BCR: variants seen among roughly 807,000 people sequenced by gnomAD.
BCR encodes the protein BCR activator of RhoGEF and GTPase.
Under a neutral mutation model 138.6 loss-of-function variants are expected in BCR, and 58 were observed. The observed-to-expected ratio is 0.42, with a 90% CI of 0.34 to 0.52. The LOEUF (loss-of-function observed/expected upper bound fraction) is 0.52. Among genes scored for constraint, BCR ranks in the 20% least tolerant of loss-of-function variants. The pLI, the probability that BCR is intolerant of heterozygous loss-of-function variation, is 0.06. For missense variants in BCR, 1,599 were observed against 1,727.2 expected, an observed-to-expected ratio of 0.93 and a Z score of 1.32; for synonymous variants, 786 against 730.1, an observed-to-expected ratio of 1.08 and a Z score of -1.23.
chr22:23,181,192 C>T lies in BCR; in HGVS notation c.232C>T (p.Arg78Trp), dbSNP rs761816882. ...KSYDRQRWGF[R>W]RAAQAPDGAS... is the part of the protein sequence containing the mutation. ...CTATGACCGGCAGCGATGGGGCTTC[C>T]GGCGCGCGGCGCAGGCCCCCGACGG... is the stretch of plus-strand genomic sequence containing the variant. Residue 78 changes from arginine (R) to tryptophan (W), a missense_variant, in exon 1 of 23, where the codon CGG becomes TGG. Physicochemically the swap from Arg to Trp is moderately radical, Grantham distance 101. This residue lies in a region of BCR where 806 missense variants were observed against 635.0 expected (regional missense o/e 1.27). Transcript: ENST00000305877. The T allele has an allele frequency of 6.4e-5, 84 of 1,322,536 alleles. No individual in the cohort carries two copies. The highest frequency in any genetic ancestry group is 7.8e-5 in the Non-Finnish European group (79 of 1,014,436). 81.9% of individuals were successfully genotyped at this position (1,322,536 alleles called of 1,614,324 possible). A position where few individuals can be genotyped will look rare whatever the true frequency, so the allele number is the denominator to read the frequency against.
intron 1 of BCR, among the ~76,000 whole-genome samples, chr22:23,252,272 C>T (rs1288506186): frequency 2.6e-5 from 4 of 151,480 alleles, no homozygotes; most frequent in African/African-American, 7.3e-5. Flanking sequence ...GTAGGACTCG[C>T]TGCTCATGGT....
chr22:23,262,249 T>C (rs1278172383), intron 4 of BCR, among the ~76,000 whole-genome samples: 1 of 152,158 alleles, frequency 6.6e-6, no homozygotes, highest in Admixed American at 6.5e-5. Flanking sequence ...AGCATGTGAT[T>C]CCTTAAAAGC....
intron 1 of BCR, among the ~76,000 whole-genome samples, chr22:23,230,214 T>G (rs2072941144): frequency 6.6e-6 from 1 of 152,186 alleles, no homozygotes; most frequent in Non-Finnish European, 1.5e-5. Context: ...CTTATCTACC[T>G]TTTTGAGTCC....
At chr22:23,248,442 T>C (rs2073180685) in intron 1 of BCR, among the ~76,000 whole-genome samples, 1 of 152,184 alleles carries the variant, frequency 6.6e-6, no homozygotes, top group Non-Finnish European at 1.5e-5. Context: ...GAAAGATTTT[T>C]TTTTTTGAAC....
intron 14 of BCR, among the ~76,000 whole-genome samples, chr22:23,291,863 C>A (rs2073790974): frequency 6.6e-6 from 1 of 152,160 alleles, no homozygotes; most frequent in South Asian, 2.1e-4. Flanking sequence ...CTGGCTGTGG[C>A]CTCCTCCCTG....
chr22:23,268,495 C>A lies in BCR; in HGVS notation c.1840C>A (p.Gln614Lys). The change falls in exon 5 of 23, where the codon CAG (glutamine) becomes AAG (lysine). Residue 614 changes from glutamine to lysine, a missense_variant. This residue lies in a region of BCR where 590 missense variants were observed against 762.4 expected (regional missense o/e 0.77). Transcript: ENST00000305877. ...MAEKCCQANA[Q>K]FAEISENLRA... The stretch of plus-strand genomic sequence containing the variant: ...TGAGAAGTGCTGTCAGGCCAATGCT[C>A]AGTTTGCAGAAATCTCCGAGGTAAT... 6.2e-7 allele frequency: 1 copy of A among 1,613,862 alleles called. No homozygotes were observed. The highest frequency in any genetic ancestry group is 8.5e-7 in the Non-Finnish European group (1 of 1,179,860).
rs148447062 is a variant in BCR, at chr22:23,311,748, C to A, written c.3234C>A (p.Ile1078=). 6.2e-6 allele frequency: 10 copies of A among 1,611,448 alleles called. No individual in the cohort carries two copies. The African/African-American group carries it at 1.1e-4, about 17-fold the overall frequency. Residue 1078 remains isoleucine, a synonymous_variant, in exon 19 of 23, where the codon ATC becomes ATA. Transcript: ENST00000305877. ...TCGTGCGCCAGTGCGTGGAGGAGAT[C>A]GAGCGCCGAGGCATGGAGGAGGTGG... ...PYIVRQCVEE[I]ERRGMEEVGI...
rs1487273717 is a variant in BCR, at chr22:23,315,752, TGAG to T, written c.*232_*234del. ...GACTGTGGTTTTTTATGTGGCCACC[TGAG>T]GGCGCCCCAAGCCAGTTCATCTCGG... On this transcript the variant is annotated 3_prime_UTR_variant, in exon 23 of 23. Coordinates refer to ENST00000305877, the MANE Select transcript of BCR (RefSeq NM_004327.4). The T allele has an allele frequency of 3.2e-6, 2 of 616,908 alleles. No homozygotes were observed. Among genetic ancestry groups the T allele is most frequent in the Non-Finnish European group, 6.0e-6 (2 of 333,076 alleles). The allele number at this position is 616,908 out of a possible 1,614,324, so 38.2% of individuals were successfully genotyped here. A position where few individuals can be genotyped will look rare whatever the true frequency, so the allele number is the denominator to read the frequency against.
At position 23,181,464 on chromosome 22, in the gene BCR, C is replaced by G; in HGVS notation, c.504C>G (p.Pro168=). The change falls in exon 1 of 23, where the codon CCC becomes CCG. Residue 168 remains proline, a synonymous_variant. Transcript: ENST00000305877. ...FERIRKGHGQ[P]GADAEKPFYV... ...GGATCCGCAAGGGCCATGGCCAGCC[C>G]GGGGCGGACGCCGAGAAGCCCTTCT... The G allele has an allele frequency of 1.2e-6, 2 of 1,608,630 alleles. No homozygotes were observed. Among genetic ancestry groups the G allele is most frequent in the South Asian group, 1.1e-5 (1 of 90,886 alleles).
chr22:23,238,713 A>C (rs904390710), intron 1 of BCR, among the ~76,000 whole-genome samples: 2 of 152,116 alleles, frequency 1.3e-5, no homozygotes, highest in African/African-American at 4.8e-5. Flanking sequence ...CCACAACCCC[A>C]TAAGCCTTCC....
rs1158313816 is a variant in BCR, at chr22:23,261,259, A to G, written c.1567-96A>G. ...TTATGTGATTTAAAAATAAAAGTGC[A>G]TATGTCAGGTAACCATGACTGTCTA... On this transcript the variant is annotated intron_variant, in intron 3 of 22. Transcript: ENST00000305877. 3.6e-5 allele frequency: 49 copies of G among 1,367,512 alleles called. No homozygotes were observed. The South Asian group carries it at 4.7e-4, about 13-fold the overall frequency. 84.7% of individuals were successfully genotyped at this position (1,367,512 alleles called of 1,614,324 possible). A position where few individuals can be genotyped will look rare whatever the true frequency, so the allele number is the denominator to read the frequency against.
chr22:23,288,354 G>A (rs2073742012), intron 12 of BCR, among the ~76,000 whole-genome samples, 182 bp downstream of exon 12: 1 of 151,964 alleles, frequency 6.6e-6, no homozygotes, highest in Non-Finnish European at 1.5e-5. Context: ...CAGCCCTCTT[G>A]TTCCCCTGCC....
At chr22:23,240,672 G>GA (rs921370145) in intron 1 of BCR, among the ~76,000 whole-genome samples, 2 of 151,742 alleles carry the variant, frequency 1.3e-5, no homozygotes, top group African/African-American at 2.4e-5. Context: ...AAAAGAAAAA[G>GA]AAAAAAAGAA....
At position 23,181,111 on chromosome 22, in the gene BCR, C is replaced by G. The variant is rs764132841; in HGVS notation, c.151C>G (p.Gln51Glu). ...SIRRLEQEVN[Q>E]ERFRMIYLQT... ...TCGGCGCCTGGAGCAGGAGGTGAAC[C>G]AGGAGCGCTTCCGCATGATCTACCT... The change falls in exon 1 of 23, where the codon CAG becomes GAG. Residue 51 changes from glutamine (Q) to glutamate (E), a missense_variant. By Grantham distance (29) the Gln-to-Glu change is conservative. Coordinates refer to ENST00000305877, the MANE Select transcript of BCR (RefSeq NM_004327.4). 38 of 1,503,334 alleles carry G rather than the reference C, an allele frequency of 2.5e-5. No homozygotes were observed. The highest frequency in any genetic ancestry group is 3.3e-5 in the Non-Finnish European group (37 of 1,118,664). 93.1% of individuals were successfully genotyped at this position (1,503,334 alleles called of 1,614,324 possible).
At chr22:23,307,464 A>G (rs113490607) in intron 16 of BCR, 1 of 151,344 alleles carries the variant, frequency 6.6e-6, no homozygotes, top group African/African-American at 2.4e-5. Context: ...CGCATCCCTC[A>G]TGTTGTCCTC....
At chr22:23,292,673 A>G (rs552167052) in intron 15 of BCR, 35 bp downstream of exon 15, 3 of 1,547,748 alleles carry the variant, frequency 1.9e-6, no homozygotes, top group Non-Finnish European at 2.7e-6. Context: ...CCAGCCTGCC[A>G]GGTGGGGCAC....
chr22:23,281,357 G>A (rs1423534556), intron 8 of BCR, among the ~76,000 whole-genome samples: 1 of 152,240 alleles, frequency 6.6e-6, no homozygotes, highest in East Asian at 1.9e-4. Flanking sequence ...TCAGGATTGT[G>A]ACCCCGGCCC....
intron 13 of BCR, chr22:23,289,841 A>G: frequency 1.7e-6 from 1 of 580,502 alleles, no homozygotes; most frequent in South Asian, 2.1e-5. Flanking sequence ...GTGGTTGAGG[A>G]GATGCACGGC....
rs535157420 is a variant in BCR, at chr22:23,315,695, C to T, written c.*173C>T. On this transcript the variant is annotated 3_prime_UTR_variant, in exon 23 of 23. Transcript: ENST00000305877. ...AAGGACAGGTGGCCTGGAAAGATCC[C>T]GCCCAGGTCTGGGAGCCCCAGGCTG... 31 of 713,556 alleles carry T rather than the reference C, an allele frequency of 4.3e-5. No individual in the cohort carries two copies. Among genetic ancestry groups the T allele is most frequent in the Non-Finnish European group, 6.3e-5 (25 of 399,960 alleles). 44.2% of individuals were successfully genotyped at this position (713,556 alleles called of 1,614,324 possible). A position where few individuals can be genotyped will look rare whatever the true frequency, so the allele number is the denominator to read the frequency against.
Sources: gnomAD v4.1 joint callset for allele counts (sites outside exome capture counted in the v4.1 genomes callset) on GRCh38, gnomAD v4.1.1 for gene constraint, gnomAD v4.1.1 regional missense constraint, MANE v1.5 for transcripts, NCBI Gene and HGNC (gene_info 2026-07-23, HGNC 2026-07-21) for gene names.